GOLGA1: variants seen among roughly 807,000 people sequenced by gnomAD.
GOLGA1 encodes golgin A1, also known as golgin subfamily A member 1.
A neutral mutation model predicts 119.7 loss-of-function variants in GOLGA1; 63 were observed. That is an observed-to-expected ratio of 0.53 (90% CI 0.43 to 0.65). GOLGA1 has a LOEUF of 0.65. Among genes scored for constraint, GOLGA1 ranks in the 30% least tolerant of loss-of-function variants. GOLGA1 has a pLI of 0.00. For missense variants in GOLGA1, 798 were observed against 912.8 expected (o/e 0.87, Z 1.62); for synonymous variants, 318 against 333.4 (o/e 0.95, Z 0.50).
At chr9:124,902,112 A>G (rs1830119070) in intron 12 of GOLGA1, among the ~76,000 whole-genome samples, 1 of 151,472 alleles carries the variant, frequency 6.6e-6, no homozygotes. Flanking sequence ...GAGCTTTATT[A>G]TTATTATTAT....
chr9:124,905,415 T>C lies in GOLGA1; in HGVS notation c.1065+2962A>G, dbSNP rs184123044. Among the ~76,000 whole-genome samples, 1,347 of 152,154 alleles carry C rather than the reference T, an allele frequency of 8.9e-3. 18 individuals carry two copies. Among genetic ancestry groups the C allele is most frequent in the African/African-American group, 0.031 (1,274 of 41,518 alleles). Reference sequence around the variant, plus strand: ...AAGCGGAGGTTGCAGTGAGCCGAGATCATGCCACTGCACTCCAGCCTGGAT... The same window carrying C: ...AAGCGGAGGTTGCAGTGAGCCGAGACCATGCCACTGCACTCCAGCCTGGAT... On this transcript the variant is annotated intron_variant, in intron 12 of 22. Coordinates refer to ENST00000373555, the MANE Select transcript of GOLGA1 (RefSeq NM_002077.4).
In GOLGA1 at chr9:124,929,237, C is replaced by T. The variant is rs749046806; in HGVS notation, c.280G>A (p.Ala94Thr). ...LQKIKEKLEI[A>T]LEKHQDSSMR... is the part of the protein sequence containing the mutation. ...GTACAATCCTGGTGTTTTTCTAATG[C>T]AATTTCAAGCTTCTCTTTTATCTTC... The change falls in exon 5 of 23, where the codon GCA becomes ACA. Residue 94 changes from alanine (A) to threonine (T), a missense_variant. Transcript: ENST00000373555. The T allele has an allele frequency of 1.2e-6, 2 of 1,605,996 alleles. No homozygotes were observed. Among genetic ancestry groups the T allele is most frequent in the Admixed American group, 3.3e-5 (2 of 59,956 alleles).
Position 124,888,510 on chromosome 9 carries a change from A to C in GOLGA1, c.1762-114T>G. The C allele has an allele frequency of 1.1e-6, 1 of 871,642 alleles. No homozygotes were observed. The highest frequency in any genetic ancestry group is 1.6e-5 in the South Asian group (1 of 63,808). 54.0% of individuals were successfully genotyped at this position (871,642 alleles called of 1,614,324 possible). ...CCTTAGGTATGGGCGTTGTGCTCCAACAGGCAACTGGCCAGGAAGCAATTC... is the reference window on the plus strand; with the variant it reads ...CCTTAGGTATGGGCGTTGTGCTCCACCAGGCAACTGGCCAGGAAGCAATTC... On this transcript the variant is annotated intron_variant, in intron 18 of 22. Coordinates refer to ENST00000373555, the MANE Select transcript of GOLGA1 (RefSeq NM_002077.4). The surrounding 1 kb of genome is among the most constrained non-coding windows in gnomAD (Gnocchi z 4.4).
intron 15 of GOLGA1, among the ~76,000 whole-genome samples, chr9:124,891,157 A>T (rs145673738): frequency 1.1e-4 from 16 of 152,300 alleles, no homozygotes; most frequent in African/African-American, 3.8e-4. Flanking sequence ...GACAGAACTG[A>T]GTCTCTGTGG....
At chr9:124,912,527 C>A (rs928316596) in intron 10 of GOLGA1, among the ~76,000 whole-genome samples, 1 of 152,070 alleles carries the variant, frequency 6.6e-6, no homozygotes, top group African/African-American at 2.4e-5. Flanking sequence ...CAACAGCTGC[C>A]CGTTTTATTT....
intron 16 of GOLGA1, 97 bp downstream of exon 16, chr9:124,890,292 G>T: frequency 1.2e-6 from 1 of 844,762 alleles, no homozygotes; most frequent in Non-Finnish European, 2.0e-6. Context: ...CCCTACCCTG[G>T]AGAGACAGGC....
At position 124,881,216 on chromosome 9, in the gene GOLGA1, A is replaced by G; in HGVS notation, c.2178T>C (p.Phe726=). The change falls in exon 22 of 23, where the codon TTT becomes TTC. Residue 726 remains phenylalanine (F), a synonymous_variant. Coordinates refer to ENST00000373555, the MANE Select transcript of GOLGA1 (RefSeq NM_002077.4). This position sits in a 1 kb window ranked among gnomAD's most constrained non-coding sequence, Gnocchi z 4.9. ...TGAGCATGTTCTCCTCCTCTTGGGA[A>G]AAGTTCAGCAACACTGACACAGCTT... The part of the protein sequence containing the change: ...LIKAVSVLLN[F]SQEEENMLKE... 3.1e-6 allele frequency: 5 copies of G among 1,605,680 alleles called. No individual in the cohort carries two copies. The highest frequency in any genetic ancestry group is 2.2e-5 in the East Asian group (1 of 44,846).
intron 3 of GOLGA1, among the ~76,000 whole-genome samples, chr9:124,938,086 A>T (rs1052665289): frequency 6.6e-6 from 1 of 151,480 alleles, no homozygotes; most frequent in African/African-American, 2.4e-5. Context: ...CCATCTCAAA[A>T]AAAAAAAAAA....
intron 12 of GOLGA1, among the ~76,000 whole-genome samples, chr9:124,901,923 C>T (rs1175099331): frequency 6.6e-6 from 1 of 152,170 alleles, no homozygotes; most frequent in Non-Finnish European, 1.5e-5. Flanking sequence ...CCAGGAACTG[C>T]ACCTGGGCAC....
At chr9:124,917,972 C>T (rs1830486711) in intron 10 of GOLGA1, among the ~76,000 whole-genome samples, 1 of 152,120 alleles carries the variant, frequency 6.6e-6, no homozygotes, top group Admixed American at 6.5e-5. Flanking sequence ...CCTGCCTCAG[C>T]CTCCCAAGTA....
intron 7 of GOLGA1, among the ~76,000 whole-genome samples, chr9:124,926,011 G>A (rs1355799033): frequency 6.6e-6 from 1 of 152,086 alleles, no homozygotes; most frequent in Non-Finnish European, 1.5e-5. Context: ...CTTGAGAAAT[G>A]CCTTCCTTCC....
At chr9:124,935,763 CAAA>C (rs33934422) in intron 3 of GOLGA1, among the ~76,000 whole-genome samples, 20 of 103,536 alleles carry the variant, frequency 1.9e-4, no homozygotes, top group Admixed American at 7.4e-4. Flanking sequence ...ACTCTGTCTC[CAAA>C]AAAAAAAAAA....
At chr9:124,924,883 T>C (rs112047432) in intron 7 of GOLGA1, among the ~76,000 whole-genome samples, 5 of 151,490 alleles carry the variant, frequency 3.3e-5, no homozygotes, top group African/African-American at 1.2e-4. Flanking sequence ...ATCGAGACCA[T>C]CCTGGCTAAC....
At chr9:124,905,495 A>C (rs1308546731) in intron 12 of GOLGA1, among the ~76,000 whole-genome samples, 5 of 152,062 alleles carry the variant, frequency 3.3e-5, no homozygotes, top group South Asian at 2.1e-4. Context: ...CATACCAAAA[A>C]CCTGCAAATG....
chr9:124,944,291 T>C (rs1013998685), upstream of GOLGA1: 1 of 150,378 alleles, frequency 6.6e-6, no homozygotes, highest in African/African-American at 2.4e-5. Context: ...GAAATAGTAA[T>C]AAAAATTCCT....
chr9:124,924,636 C>CA (rs71374206), intron 7 of GOLGA1, among the ~76,000 whole-genome samples: 60,798 of 108,422 alleles, frequency 0.56, 16,234 homozygotes, highest in African/African-American at 0.69. Context: ...GACCCTGTCT[C>CA]AAAAAAAAAA....
chr9:124,892,151 C>G (rs1829870191), intron 15 of GOLGA1, among the ~76,000 whole-genome samples: 1 of 152,232 alleles, frequency 6.6e-6, no homozygotes. Context: ...GATGGACTTT[C>G]ACCATGTTGG....
At chr9:124,890,514 G>T in intron 15 of GOLGA1, 36 bp from the exon 16 acceptor site, 1 of 1,516,646 alleles carries the variant, frequency 6.6e-7, no homozygotes, top group Non-Finnish European at 9.2e-7. Context: ...CCAAAACTTA[G>T]TTCACAGTTT....
chr9:124,923,825 A>G (rs980810586), intron 7 of GOLGA1, among the ~76,000 whole-genome samples: 1 of 152,012 alleles, frequency 6.6e-6, no homozygotes, highest in Non-Finnish European at 1.5e-5. Context: ...TAGCAAGTCC[A>G]GATATATATT....
Sources: allele counts gnomAD v4.1 joint callset (sites outside exome capture counted in the v4.1 genomes callset), GRCh38; gene constraint gnomAD v4.1.1; non-coding constraint Gnocchi (gnomAD v3.1); transcripts MANE v1.5; gene names NCBI Gene and HGNC (gene_info 2026-07-23, HGNC 2026-07-21).